ACOXL: variants seen among roughly 807,000 people sequenced by gnomAD.
The protein encoded by ACOXL is acyl-CoA oxidase like.
ACOXL carries 70 observed loss-of-function variants against 71.9 expected under a neutral mutation model. The ratio of observed to expected loss-of-function variants is 0.97; its 90% CI spans 0.80 to 1.19. ACOXL has a LOEUF of 1.19. Ranked by LOEUF, ACOXL falls within the 50% of genes most tolerant of loss-of-function variation. The pLI is 0.00. For synonymous variants in ACOXL, 253 were observed against 281.6 expected (o/e 0.90, Z 1.02); for missense variants, 703 against 736.3 (o/e 0.95, Z 0.52).
At chr2:110,876,566 CCT>C (rs1695932491) in intron 10 of ACOXL, among the ~76,000 whole-genome samples, 1 of 152,188 alleles carries the variant, frequency 6.6e-6, no homozygotes, top group Admixed American at 6.5e-5. Context: ...GCCCAGGACC[CCT>C]GTCTTCTGTG....
intron 14 of ACOXL, among the ~76,000 whole-genome samples, chr2:111,005,798 A>G (rs540675482): frequency 6.6e-6 from 1 of 152,310 alleles, no homozygotes; most frequent in Admixed American, 6.5e-5. Flanking sequence ...TCTTGATCCA[A>G]TAGCTTTGGT....
In ACOXL at chr2:110,908,875, C is replaced by CCA. The variant is rs1215886816; in HGVS notation, c.878_879dup (p.Ala294GlnfsTer5). On this transcript the variant is annotated frameshift_variant, in exon 11 of 18. Transcript: ENST00000439055. LOFTEE classifies it high-confidence loss of function. ...ACCCTGCGGCTGATGCCCCACCTGG[C>CCA]CACAGCCTTGGCCCTGACCTTCGTC... 2 of 1,614,048 alleles carry CCA rather than the reference C, an allele frequency of 1.2e-6. No homozygotes were observed. Among genetic ancestry groups the CCA allele is most frequent in the Admixed American group, 3.3e-5 (2 of 60,018 alleles).
rs570348985 is a variant in ACOXL, at chr2:111,029,521, C to T, written c.1282-2106C>T. ...CTGCTCCTAGGTCAGCCCATCTGGG[C>T]GTGAGGATCACTGTGAAGCCCGCAG... On this transcript the variant is annotated intron_variant, in intron 14 of 17. Coordinates refer to ENST00000439055, the MANE Select transcript of ACOXL (RefSeq NM_001142807.4). Among the ~76,000 whole-genome samples the T allele has an allele frequency of 5.9e-5, 9 of 152,310 alleles. No homozygotes were observed. In the East Asian group the frequency reaches 9.6e-4, roughly 16 times the overall value.
chr2:111,004,569 T>C (rs1057493482), intron 14 of ACOXL, among the ~76,000 whole-genome samples: 1 of 152,180 alleles, frequency 6.6e-6, no homozygotes, highest in African/African-American at 2.4e-5. Flanking sequence ...TTGCTTCCCT[T>C]GCTTGCCCCA....
chr2:110,766,369 A>G (rs887748768), intron 1 of ACOXL, among the ~76,000 whole-genome samples: 6 of 152,152 alleles, frequency 3.9e-5, no homozygotes, highest in Non-Finnish European at 7.3e-5. Context: ...GTGGCCATGT[A>G]TATTCAGCTT....
At position 111,117,840 on chromosome 2, in the gene ACOXL, G is replaced by T. The variant is rs1235755986; in HGVS notation, c.*24G>T. 15 of 1,534,460 alleles carry T rather than the reference G, an allele frequency of 9.8e-6. No individual in the cohort carries two copies. The highest frequency in any genetic ancestry group is 2.0e-5 in the Admixed American group (1 of 50,768). On this transcript the variant is annotated 3_prime_UTR_variant, in exon 18 of 18. Transcript: ENST00000439055. ...AACGGGTGTGGCGGGAAGTGTGGTG[G>T]CCCGCCAGCAGCTGCCACGACGCTC...
At chr2:111,109,671 ATTT>A (rs869081161) in intron 17 of ACOXL, among the ~76,000 whole-genome samples, 6,277 of 74,804 alleles carry the variant, frequency 0.084, 78 homozygotes, top group East Asian at 0.24. Flanking sequence ...TTCTCCTTCT[ATTT>A]TTTTTTTTTT....
intron 14 of ACOXL, among the ~76,000 whole-genome samples, chr2:111,009,840 T>C (rs2064060659): frequency 6.6e-6 from 1 of 152,120 alleles, no homozygotes; most frequent in Non-Finnish European, 1.5e-5. Context: ...GGAGTAAAAC[T>C]ATGTCTCAGG....
intron 17 of ACOXL, chr2:111,093,922 A>G (rs7558938): frequency 0.44 from 70,249 of 160,208 alleles, 15,457 homozygotes; most frequent in East Asian, 0.54. Context: ...ATACTCTCAC[A>G]GGGCATGGAG....
At chr2:110,971,546 G>T (rs1004355560) in intron 12 of ACOXL, among the ~76,000 whole-genome samples, 1 of 152,182 alleles carries the variant, frequency 6.6e-6, no homozygotes, top group African/African-American at 2.4e-5. Flanking sequence ...AGTTTAGAAA[G>T]AAATAGAGCA....
At chr2:110,847,942 G>C (rs1262273474) in intron 10 of ACOXL, among the ~76,000 whole-genome samples, 1 of 152,236 alleles carries the variant, frequency 6.6e-6, no homozygotes, top group Non-Finnish European at 1.5e-5. Context: ...AAGTGAAGGG[G>C]TTGTGTACTT....
At chr2:111,065,569 T>C (rs1405613280) in intron 16 of ACOXL, among the ~76,000 whole-genome samples, 1 of 151,988 alleles carries the variant, frequency 6.6e-6, no homozygotes, top group Non-Finnish European at 1.5e-5. Context: ...ATGTTCAGAG[T>C]CTGAAAAGAC....
intron 11 of ACOXL, among the ~76,000 whole-genome samples, chr2:110,917,625 C>A (rs953212777): frequency 6.6e-6 from 1 of 152,192 alleles, no homozygotes; most frequent in African/African-American, 2.4e-5. Context: ...TCCCTGTTTG[C>A]AGATGACATG....
chr2:110,858,067 T>C (rs1022454105), intron 10 of ACOXL, among the ~76,000 whole-genome samples: 5 of 152,170 alleles, frequency 3.3e-5, no homozygotes, highest in Admixed American at 1.3e-4. Flanking sequence ...ATATATATCA[T>C]TTTTTAGGTG....
rs2062014694 is a variant in ACOXL at position 110,968,180 on chromosome 2, A to T, written c.1060-18928A>T. 5.2e-6 allele frequency: 6 copies of T among 1,162,072 alleles called. No homozygotes were observed. The East Asian group carries it at 1.4e-4, about 27-fold the overall frequency. The allele number at this position is 1,162,072 out of a possible 1,614,324, so 72.0% of individuals were successfully genotyped here. A position where few individuals can be genotyped will look rare whatever the true frequency, so the allele number is the denominator to read the frequency against. On this transcript the variant is annotated intron_variant, in intron 12 of 17. Transcript: ENST00000439055. ...AGGCTTCTCAATAGGTTTGGCACAG[A>T]CAACATCTATGAAGGCCAAGTGTAG...
chr2:110,775,632 A>G (rs1005981429), intron 2 of ACOXL, among the ~76,000 whole-genome samples: 7 of 152,248 alleles, frequency 4.6e-5, no homozygotes, highest in Non-Finnish European at 8.8e-5. Context: ...CAATAAACAC[A>G]TAGAAAGATG....
chr2:110,885,831 TG>T (rs1697213130), intron 10 of ACOXL, among the ~76,000 whole-genome samples: 1 of 152,228 alleles, frequency 6.6e-6, no homozygotes. Context: ...CTATTTCTTT[TG>T]GAATATGGCT....
chr2:110,858,949 C>T (rs961581339), intron 10 of ACOXL, among the ~76,000 whole-genome samples: 4 of 152,138 alleles, frequency 2.6e-5, no homozygotes, highest in East Asian at 1.9e-4. Flanking sequence ...TTGCATGCTT[C>T]GTGCGAGGCG....
chr2:110,750,136 A>T (rs1286704232), intron 1 of ACOXL, among the ~76,000 whole-genome samples: 1 of 152,144 alleles, frequency 6.6e-6, no homozygotes, highest in Non-Finnish European at 1.5e-5. Context: ...TCTGGAAACT[A>T]GTCATTCAAT....
Sources: allele counts gnomAD v4.1 joint callset (sites outside exome capture counted in the v4.1 genomes callset), GRCh38; gene constraint gnomAD v4.1.1; transcripts MANE v1.5; gene names NCBI Gene and HGNC (gene_info 2026-07-23, HGNC 2026-07-21).